The following MS4A6E variants were observed in gnomAD, a reference collection of about 807,000 sequenced individuals.
The protein encoded by MS4A6E is membrane spanning 4-domains A6E.
In MS4A6E, 8 loss-of-function variants were observed where a neutral mutation model predicts 13.2. The ratio of observed to expected loss-of-function variants is 0.60; its 90% CI spans 0.35 to 1.09. MS4A6E has a LOEUF of 1.09. Among genes scored for constraint, MS4A6E ranks in the 50% least tolerant of loss-of-function variants. The pLI is 0.02. For synonymous variants in MS4A6E, 72 were observed against 67.6 expected (o/e 1.06, Z -0.32); for missense variants, 177 against 171.1 (o/e 1.03, Z -0.19).
At chr11:60,347,411 G>A (rs950518703) in intron 4 of MS4A6E, among the ~76,000 whole-genome samples, 11 of 152,070 alleles carry the variant, frequency 7.2e-5, no homozygotes, top group African/African-American at 1.2e-4. Context: ...AGTCTCCACC[G>A]CAGTGGGCCA....
Position 60,339,902 on chromosome 11 carries a change from G to T in MS4A6E, c.391G>T (p.Glu131Ter). Residue 131 changes from glutamate to a stop codon, truncating the protein, a stop_gained, in exon 4 of 5, where the codon GAG (glutamate) becomes TAG (stop). Coordinates refer to ENST00000684409, the MANE Select transcript of MS4A6E (RefSeq NM_139249.4). LOFTEE classifies it high-confidence loss of function. ...TCTGATGCTGGTTTCTACTGTGTTG[G>T]AGTTCTGCCTAGCTGTGCTCACTGC... is the stretch of plus-strand genomic sequence containing the variant. ...LSLMLVSTVL[E>*]FCLAVLTAVL... 6.2e-7 allele frequency: 1 copy of T among 1,613,828 alleles called. No homozygotes were observed. The highest frequency in any genetic ancestry group is 1.1e-5 in the South Asian group (1 of 91,076).
chr11:60,340,371 G>A (rs1194625680), intron 4 of MS4A6E, among the ~76,000 whole-genome samples: 1 of 152,192 alleles, frequency 6.6e-6, no homozygotes, highest in Non-Finnish European at 1.5e-5. Flanking sequence ...GTATTGACTT[G>A]GTAAAGGGCC....
At chr11:60,330,150 T>G (rs574243247) in intron 1 of MS4A6E, among the ~76,000 whole-genome samples, 1 of 149,834 alleles carries the variant, frequency 6.7e-6, no homozygotes, top group African/African-American at 2.5e-5. Flanking sequence ...TTGATGGGGT[T>G]GTTTGTTTTT....
chr11:60,328,588 C>A (rs1381533307), intron 1 of MS4A6E, among the ~76,000 whole-genome samples: 1 of 151,944 alleles, frequency 6.6e-6, no homozygotes, highest in Admixed American at 6.6e-5. Flanking sequence ...AAAAGGAGAT[C>A]TTGCCATTTG....
At chr11:60,348,766 G>A (rs2085266750) in intron 4 of MS4A6E, among the ~76,000 whole-genome samples, 1 of 152,234 alleles carries the variant, frequency 6.6e-6, no homozygotes, top group South Asian at 2.1e-4. Context: ...AGTAACCTGG[G>A]GGATTGGCCA....
At chr11:60,340,079 A>C in intron 4 of MS4A6E, 115 bp downstream of exon 4, 1 of 1,475,062 alleles carries the variant, frequency 6.8e-7, no homozygotes, top group Non-Finnish European at 9.2e-7. Context: ...TGAGATACAC[A>C]TGGGAGGTCA....
At chr11:60,327,620 A>G (rs950702443) in intron 1 of MS4A6E, among the ~76,000 whole-genome samples, 2 of 152,314 alleles carry the variant, frequency 1.3e-5, no homozygotes, top group East Asian at 3.9e-4. Context: ...AGAGAGCTGT[A>G]GACAGAACCT....
chr11:60,334,198 G>C (rs898193684), intron 1 of MS4A6E, among the ~76,000 whole-genome samples: 2 of 152,314 alleles, frequency 1.3e-5, no homozygotes, highest in African/African-American at 4.8e-5. Context: ...TCAGCACTAG[G>C]GAGATTGTAG....
In MS4A6E at chr11:60,337,957, T is replaced by C. The variant is rs1482489580; in HGVS notation, c.354+10T>C. ...CAAAGCCAGTCTGGCTGTAAGTATT[T>C]TTTAGATGGGATGTTCTAATTTTAT... On this transcript the variant is annotated intron_variant, in intron 3 of 4. Transcript: ENST00000684409. 1 of 1,610,142 alleles carries C rather than the reference T, an allele frequency of 6.2e-7. No homozygotes were observed. Among genetic ancestry groups the C allele is most frequent in the African/African-American group, 1.3e-5 (1 of 74,810 alleles).
chr11:60,343,496 TC>T (rs1194575650), downstream of MS4A6E, among the ~76,000 whole-genome samples: 1 of 152,202 alleles, frequency 6.6e-6, no homozygotes, highest in Non-Finnish European at 1.5e-5. Flanking sequence ...ATGTATCAAT[TC>T]CCGGAAAGGT....
Position 60,340,868 on chromosome 11 carries a change from A to AT in MS4A6E, c.*107dup, listed in dbSNP as rs2085220262. Reference sequence around the variant, plus strand: ...CGGAGAAATATTAATTGGAAAGTTGATTTTTATGATAATATGGAAAACCTA... The same window carrying AT: ...CGGAGAAATATTAATTGGAAAGTTGATTTTTTATGATAATATGGAAAACCTA... On this transcript the variant is annotated 3_prime_UTR_variant, in exon 5 of 5. Coordinates refer to ENST00000684409, the MANE Select transcript of MS4A6E (RefSeq NM_139249.4). 1 of 161,866 alleles carries AT rather than the reference A, an allele frequency of 6.2e-6. No individual in the cohort carries two copies. The highest frequency in any genetic ancestry group is 1.4e-5 in the Non-Finnish European group (1 of 71,926). The allele number at this position is 161,866 out of a possible 1,614,324, so 10.0% of individuals were successfully genotyped here. A position where few individuals can be genotyped will look rare whatever the true frequency, so the allele number is the denominator to read the frequency against.
downstream of MS4A6E, among the ~76,000 whole-genome samples, chr11:60,345,467 C>T (rs992674996): frequency 6.6e-6 from 1 of 152,190 alleles, no homozygotes; most frequent in Non-Finnish European, 1.5e-5. Context: ...ACTGCATATC[C>T]TGACTGTGGA....
rs983499719 is a variant in MS4A6E, at chr11:60,327,384, T to C, written c.-39T>C. Among the ~76,000 whole-genome samples the C allele has an allele frequency of 1.3e-5, 2 of 152,220 alleles. No individual in the cohort carries two copies. Among genetic ancestry groups the C allele is most frequent in the Non-Finnish European group, 2.9e-5 (2 of 68,040 alleles). ...AGATGCTGAACCTGTGGCACCTTGA[T>C]CGTGGACTTCTCAGTTCCAAAACTG... On this transcript the variant is annotated 5_prime_UTR_variant, in exon 1 of 5. Transcript: ENST00000684409.
At chr11:60,340,223 G>C (rs1299540433) in intron 4 of MS4A6E, among the ~76,000 whole-genome samples, 2 of 152,158 alleles carry the variant, frequency 1.3e-5, no homozygotes, top group Admixed American at 1.3e-4. Flanking sequence ...GTCATTGAAG[G>C]GAATGAGACT....
intron 2 of MS4A6E, chr11:60,335,444 A>G (rs530591213): frequency 2.6e-6 from 1 of 378,848 alleles, no homozygotes; most frequent in East Asian, 7.3e-5. Context: ...CAGAAAAAAT[A>G]TACCTCCTCT....
chr11:60,345,911 G>A (rs1486139286), downstream of MS4A6E, among the ~76,000 whole-genome samples: 1 of 152,176 alleles, frequency 6.6e-6, no homozygotes, highest in East Asian at 1.9e-4. Context: ...TGCCCCTCAC[G>A]TTCATGCTAT....
At chr11:60,347,737 AC>A (rs985911145) in intron 4 of MS4A6E, among the ~76,000 whole-genome samples, 3 of 151,506 alleles carry the variant, frequency 2.0e-5, no homozygotes, top group Admixed American at 6.6e-5. Flanking sequence ...TGCAGGCATA[AC>A]CCCCCACCCC....
At chr11:60,338,305 C>T (rs938417519) in intron 3 of MS4A6E, among the ~76,000 whole-genome samples, 3 of 152,068 alleles carry the variant, frequency 2.0e-5, no homozygotes, top group African/African-American at 2.4e-5. Context: ...CAGAAAGACC[C>T]GGGTGATCAG....
At chr11:60,330,359 TTA>T (rs1369588734) in intron 1 of MS4A6E, among the ~76,000 whole-genome samples, 2 of 138,636 alleles carry the variant, frequency 1.4e-5, no homozygotes, top group Non-Finnish European at 3.1e-5. Flanking sequence ...TTTTTTTTTT[TTA>T]GGCGGAGTCT....
Sources: gnomAD v4.1 joint callset for allele counts (sites outside exome capture counted in the v4.1 genomes callset) on GRCh38, gnomAD v4.1.1 for gene constraint, MANE v1.5 for transcripts, NCBI Gene and HGNC (gene_info 2026-07-23, HGNC 2026-07-21) for gene names.